HECTD4: variants seen among roughly 807,000 people sequenced by gnomAD.
HECTD4 encodes the protein HECT domain E3 ubiquitin protein ligase 4.
Under a neutral mutation model 471.5 loss-of-function variants are expected in HECTD4, and 114 were observed. The observed-to-expected ratio is 0.24, with a 90% CI of 0.21 to 0.28. HECTD4 has a LOEUF of 0.28. Ranked by LOEUF, HECTD4 falls within the 10% of genes least tolerant of loss-of-function variation. The pLI is 1.00. For missense variants in HECTD4, 3,866 were observed against 5,651.5 expected (o/e 0.68, Z 10.13); for synonymous variants, 2,012 against 2,256.0 (o/e 0.89, Z 3.07).
At chr12:112,371,729 C>T (rs1051196738) in intron 1 of HECTD4, among the ~76,000 whole-genome samples, 7 of 151,202 alleles carry the variant, frequency 4.6e-5, no homozygotes, top group Non-Finnish European at 3.0e-5. Flanking sequence ...TCTACTAAAA[C>T]TACAAAATGA....
intron 72 of HECTD4, among the ~76,000 whole-genome samples, chr12:112,165,908 C>T (rs1033578934): frequency 5.3e-5 from 8 of 152,190 alleles, no homozygotes; most frequent in African/African-American, 1.7e-4. Flanking sequence ...GATGGACATT[C>T]GGGTCTAAGC....
intron 1 of HECTD4, among the ~76,000 whole-genome samples, chr12:112,363,253 C>A (rs1178406155): frequency 6.6e-6 from 1 of 151,754 alleles, no homozygotes; most frequent in Non-Finnish European, 1.5e-5. Flanking sequence ...TGTGTATACA[C>A]ACAAGCATAC....
intron 25 of HECTD4, chr12:112,249,891 G>C (rs1319986511): frequency 2.0e-6 from 1 of 494,804 alleles, no homozygotes; most frequent in Non-Finnish European, 3.6e-6. Context: ...TGATTCAATA[G>C]GTGCAAAATG....
intron 1 of HECTD4, among the ~76,000 whole-genome samples, chr12:112,379,373 A>G (rs1011699456): frequency 1.2e-4 from 19 of 152,250 alleles, no homozygotes; most frequent in African/African-American, 4.6e-4. Context: ...CCTGACATGT[A>G]GGATACATTT....
At chr12:112,226,481 A>C (rs1157012020) in intron 44 of HECTD4, 162 bp downstream of exon 44, 8 of 449,740 alleles carry the variant, frequency 1.8e-5, no homozygotes, top group Non-Finnish European at 3.2e-5. Flanking sequence ...TTTTATTTAC[A>C]TTTCTAGGTC....
intron 18 of HECTD4, among the ~76,000 whole-genome samples, chr12:112,260,998 G>A (rs1593986212): frequency 2.6e-5 from 4 of 152,064 alleles, no homozygotes; most frequent in Admixed American, 6.6e-5. Context: ...GCATGGTGCT[G>A]ACCTTGATAA....
rs1165411082 is a variant in HECTD4 at position 112,184,257 on chromosome 12, A to C, written c.10709T>G (p.Met3570Arg). 8.7e-6 allele frequency: 14 copies of C among 1,613,464 alleles called. No homozygotes were observed. Among genetic ancestry groups the C allele is most frequent in the African/African-American group, 2.7e-5 (2 of 74,912 alleles). Reference sequence around the variant, plus strand: ...GTTGTCCAGGGAAGTGACTGTGTACATGGAGCCCATGTCCGACACCGAGGC... The same window carrying C: ...GTTGTCCAGGGAAGTGACTGTGTACCTGGAGCCCATGTCCGACACCGAGGC... ...ETASVSDMGS[M>R]YTVTSLDNQP... The change falls in exon 61 of 76, where the codon ATG becomes AGG. Residue 3570 changes from methionine to arginine, a missense_variant. By Grantham distance (91) the Met-to-Arg change is moderately conservative (BLOSUM62 -1). Coordinates refer to ENST00000682272, the MANE Select transcript of HECTD4 (RefSeq NM_001388303.1). The surrounding 1 kb of genome is among the most constrained non-coding windows in gnomAD (Gnocchi z 9.1).
chr12:112,307,886 G>C (rs1594031123), intron 6 of HECTD4, among the ~76,000 whole-genome samples: 2 of 152,358 alleles, frequency 1.3e-5, no homozygotes, highest in East Asian at 3.9e-4. Context: ...TTCAAGTTCT[G>C]GTGCCGCTAC....
intron 23 of HECTD4, among the ~76,000 whole-genome samples, chr12:112,251,960 C>T (rs757958646): frequency 2.0e-5 from 3 of 152,068 alleles, no homozygotes; most frequent in Non-Finnish European, 2.9e-5. Context: ...TTAGTAGAGA[C>T]GGGGTTTCAC....
At chr12:112,317,235 A>C (rs937640774) in intron 2 of HECTD4, among the ~76,000 whole-genome samples, 1 of 152,194 alleles carries the variant, frequency 6.6e-6, no homozygotes, top group Non-Finnish European at 1.5e-5. Context: ...CCACACAATG[A>C]CTCTAGAATT....
chr12:112,193,637 C>T lies in HECTD4; in HGVS notation c.8787G>A (p.Gln2929=). 2 of 1,613,072 alleles carry T rather than the reference C, an allele frequency of 1.2e-6. No individual in the cohort carries two copies. Among genetic ancestry groups the T allele is most frequent in the Non-Finnish European group, 1.7e-6 (2 of 1,179,552 alleles). Residue 2929 remains glutamine, a synonymous_variant, in exon 57 of 76, where the codon CAG becomes CAA. Coordinates refer to ENST00000682272, the MANE Select transcript of HECTD4 (RefSeq NM_001388303.1). The surrounding 1 kb of genome is among the most constrained non-coding windows in gnomAD (Gnocchi z 5.2). ...TISSSSILLA[Q]SLQHCIHSQN... Reference sequence around the variant, plus strand: ...GGGAATGGATGCAATGCTGTAAAGACTGCGCCAGGAGGATCGAGCTGGAGC... The same window carrying T: ...GGGAATGGATGCAATGCTGTAAAGATTGCGCCAGGAGGATCGAGCTGGAGC...
chr12:112,352,974 G>A (rs933861570), intron 1 of HECTD4, among the ~76,000 whole-genome samples: 7 of 152,148 alleles, frequency 4.6e-5, no homozygotes, highest in African/African-American at 1.7e-4. Context: ...CTGTAATGAA[G>A]AAAACTTCAG....
intron 55 of HECTD4, among the ~76,000 whole-genome samples, chr12:112,198,317 CA>C (rs2032310469): frequency 6.6e-6 from 1 of 152,108 alleles, no homozygotes; most frequent in Non-Finnish European, 1.5e-5. Flanking sequence ...ACGAGACAGC[CA>C]GGGGGAGCTC....
intron 44 of HECTD4, among the ~76,000 whole-genome samples, chr12:112,223,085 C>A (rs1482066824): frequency 6.6e-6 from 1 of 152,116 alleles, no homozygotes; most frequent in Non-Finnish European, 1.5e-5. Context: ...CAGGGTGAAT[C>A]TTGGAGCCCT....
chr12:112,343,929 T>C (rs191071703), intron 1 of HECTD4, among the ~76,000 whole-genome samples: 40 of 152,288 alleles, frequency 2.6e-4, no homozygotes, highest in Non-Finnish European at 5.1e-4. Context: ...TGCAAAAATA[T>C]GCATATAACA....
Position 112,178,916 on chromosome 12 carries a change from C to T in HECTD4, c.11363+15G>A, listed in dbSNP as rs1426259260. 18 of 1,598,994 alleles carry T rather than the reference C, an allele frequency of 1.1e-5. No individual in the cohort carries two copies. Among genetic ancestry groups the T allele is most frequent in the Middle Eastern group, 1.9e-4 (1 of 5,146 alleles). On this transcript the variant is annotated intron_variant, in intron 64 of 75. Transcript: ENST00000682272. ...GCCCACAGGCTGGGCTGCCCAGGCT[C>T]CTTGGGGCACGCACCTGACGCTGTT... is the stretch of plus-strand genomic sequence containing the variant.
rs1445962827 is a variant in HECTD4, at chr12:112,163,909, T to C, written c.12702-172A>G. Among the ~76,000 whole-genome samples the C allele has an allele frequency of 2.6e-5, 4 of 152,220 alleles. No homozygotes were observed. The highest frequency in any genetic ancestry group is 4.4e-5 in the Non-Finnish European group (3 of 68,036). ...TCTGGTGCCGCCGCCTCAGAGCTGCTGTTTTCTTAGTAAACCCCTTCTGCT... is the reference window on the plus strand; with the variant it reads ...TCTGGTGCCGCCGCCTCAGAGCTGCCGTTTTCTTAGTAAACCCCTTCTGCT... On this transcript the variant is annotated intron_variant, in intron 73 of 75. Coordinates refer to ENST00000682272, the MANE Select transcript of HECTD4 (RefSeq NM_001388303.1). The surrounding 1 kb of genome is among the most constrained non-coding windows in gnomAD (Gnocchi z 8.2).
chr12:112,244,059 AG>A (rs1223043088), intron 29 of HECTD4, 50 bp from the exon 30 acceptor site: 4 of 1,591,456 alleles, frequency 2.5e-6, no homozygotes, highest in Non-Finnish European at 3.4e-6. Context: ...TCTGTACAAC[AG>A]CCAAATGCAA....
At chr12:112,172,409 G>A (rs889933717) in intron 67 of HECTD4, among the ~76,000 whole-genome samples, 10 of 152,226 alleles carry the variant, frequency 6.6e-5, no homozygotes, top group African/African-American at 1.2e-4. Flanking sequence ...CCCCGCAGCC[G>A]TGCATTTCTG....
Sources: allele counts gnomAD v4.1 joint callset (sites outside exome capture counted in the v4.1 genomes callset), GRCh38; gene constraint gnomAD v4.1.1; non-coding constraint Gnocchi (gnomAD v3.1); transcripts MANE v1.5; gene names NCBI Gene and HGNC (gene_info 2026-07-23, HGNC 2026-07-21).